The following NRCAM variants were observed in gnomAD, a reference collection of about 807,000 sequenced individuals.
The protein encoded by NRCAM is neuronal cell adhesion molecule, also known as NgCAM-related cell adhesion molecule.
A neutral mutation model predicts 156.5 loss-of-function variants in NRCAM; 83 were observed. The observed-to-expected ratio is 0.53, with a 90% CI of 0.44 to 0.64. The LOEUF is 0.64. NRCAM is among the 30% of genes least tolerant of loss of function. NRCAM has a pLI of 0.00. For synonymous variants in NRCAM, 538 were observed against 563.9 expected (o/e 0.95, Z 0.65); for missense variants, 1,417 against 1,597.3 (o/e 0.89, Z 1.92).
chr7:108,368,680 C>T (rs1436611666), intron 2 of NRCAM, among the ~76,000 whole-genome samples: 1 of 152,076 alleles, frequency 6.6e-6, no homozygotes, highest in East Asian at 1.9e-4. Flanking sequence ...GTGCCAAGGG[C>T]CAGCTGATCT....
At chr7:108,451,624 CA>C (rs1332877844) in intron 1 of NRCAM, among the ~76,000 whole-genome samples, 1 of 152,082 alleles carries the variant, frequency 6.6e-6, no homozygotes, top group African/African-American at 2.4e-5. Context: ...TTCAGCATTA[CA>C]AAGGAAGGAA....
chr7:108,224,003 T>G (rs112943442), intron 10 of NRCAM, among the ~76,000 whole-genome samples, 167 bp from the exon 11 acceptor site: 2 of 152,184 alleles, frequency 1.3e-5, no homozygotes, highest in Admixed American at 1.3e-4. Flanking sequence ...GCGTTATAAG[T>G]AGTCATCACT....
At chr7:108,335,459 T>TTTTC (rs1554522592) in intron 2 of NRCAM, among the ~76,000 whole-genome samples, 4 of 119,548 alleles carry the variant, frequency 3.3e-5, no homozygotes, top group East Asian at 2.5e-4. Flanking sequence ...TTTTTTTTTT[T>TTTTC]CAGTTTTCAC....
intron 1 of NRCAM, among the ~76,000 whole-genome samples, chr7:108,444,287 C>T (rs1308319441): frequency 1.3e-5 from 2 of 151,916 alleles, no homozygotes; most frequent in Non-Finnish European, 2.9e-5. Flanking sequence ...AGGGGGTGGT[C>T]TGAGAACCAA....
At chr7:108,360,956 G>A (rs1445829984) in intron 2 of NRCAM, among the ~76,000 whole-genome samples, 1 of 152,048 alleles carries the variant, frequency 6.6e-6, no homozygotes, top group African/African-American at 2.4e-5. Context: ...AGTGACAAAA[G>A]AAAATAACAC....
chr7:108,414,176 G>C (rs904018900), intron 1 of NRCAM, among the ~76,000 whole-genome samples: 1 of 152,166 alleles, frequency 6.6e-6, no homozygotes, highest in Non-Finnish European at 1.5e-5. Flanking sequence ...GAGACAAGAA[G>C]GAGCTAAAAG....
rs891147975 is a variant in NRCAM at position 108,148,447 on chromosome 7, T to G, written c.*1463A>C. On this transcript the variant is annotated 3_prime_UTR_variant, in exon 33 of 33. Transcript: ENST00000379028. The stretch of plus-strand genomic sequence containing the variant: ...ATGCAAGTTATGAGAAACCAATTTA[T>G]TGGCAAATGAAACTGAGCATTCCTT... 1.3e-5 allele frequency: 2 copies of G among 152,670 alleles called. No individual in the cohort carries two copies. Among genetic ancestry groups the G allele is most frequent in the Non-Finnish European group, 2.9e-5 (2 of 68,036 alleles). The allele number at this position is 152,670 out of a possible 1,614,324, so 9.5% of individuals were successfully genotyped here.
intron 13 of NRCAM, among the ~76,000 whole-genome samples, chr7:108,198,384 C>T (rs1243098163): frequency 6.6e-6 from 1 of 151,816 alleles, no homozygotes; most frequent in African/African-American, 2.4e-5. Context: ...CATTCACTTG[C>T]CCCTTGTATC....
At chr7:108,237,465 A>G (rs2095169046) in intron 5 of NRCAM, among the ~76,000 whole-genome samples, 1 of 152,178 alleles carries the variant, frequency 6.6e-6, no homozygotes, top group Non-Finnish European at 1.5e-5. Context: ...AAATTTTGAG[A>G]ATTTTCTCAT....
chr7:108,430,972 T>C (rs192535132), intron 1 of NRCAM, among the ~76,000 whole-genome samples: 288 of 152,322 alleles, frequency 1.9e-3, no homozygotes, highest in African/African-American at 6.5e-3. Flanking sequence ...TCCAGGTGCA[T>C]GGATCATTGA....
intron 3 of NRCAM, among the ~76,000 whole-genome samples, chr7:108,289,528 G>A (rs575619455): frequency 6.6e-6 from 1 of 152,176 alleles, no homozygotes; most frequent in South Asian, 2.1e-4. Flanking sequence ...ACTAACATCT[G>A]TTTATAAGCT....
intron 1 of NRCAM, among the ~76,000 whole-genome samples, chr7:108,426,440 G>T (rs1817394668): frequency 6.6e-6 from 1 of 152,186 alleles, no homozygotes; most frequent in Non-Finnish European, 1.5e-5. Flanking sequence ...GCATTCAAAT[G>T]CCTAATGCCC....
At chr7:108,307,435 C>T (rs2098733364) in intron 3 of NRCAM, among the ~76,000 whole-genome samples, 1 of 152,224 alleles carries the variant, frequency 6.6e-6, no homozygotes, top group Non-Finnish European at 1.5e-5. Flanking sequence ...TGGCTCCATG[C>T]ACCATATCCT....
intron 20 of NRCAM, among the ~76,000 whole-genome samples, chr7:108,187,343 C>T (rs1336590063): frequency 6.6e-6 from 1 of 152,180 alleles, no homozygotes; most frequent in Non-Finnish European, 1.5e-5. Context: ...ACTGCAGCCA[C>T]ACTGGCATCC....
intron 1 of NRCAM, among the ~76,000 whole-genome samples, chr7:108,433,104 GCT>G (rs1319509895): frequency 6.6e-6 from 1 of 152,142 alleles, no homozygotes; most frequent in Non-Finnish European, 1.5e-5. Flanking sequence ...GCAAATGGAG[GCT>G]CTCTTTGTTC....
intron 11 of NRCAM, among the ~76,000 whole-genome samples, chr7:108,222,974 A>G (rs942541484): frequency 6.6e-6 from 1 of 152,188 alleles, no homozygotes; most frequent in African/African-American, 2.4e-5. Flanking sequence ...GGTAGCTTCA[A>G]TTTTGAAGTG....
chr7:108,276,609 T>C (rs1219659882), intron 3 of NRCAM, among the ~76,000 whole-genome samples: 1 of 152,178 alleles, frequency 6.6e-6, no homozygotes, highest in Non-Finnish European at 1.5e-5. Flanking sequence ...TCCATCCCTT[T>C]ATTTTGAGCC....
At chr7:108,221,088 A>T (rs1028157299) in intron 11 of NRCAM, among the ~76,000 whole-genome samples, 3 of 152,346 alleles carry the variant, frequency 2.0e-5, no homozygotes, top group Admixed American at 1.3e-4. Flanking sequence ...GCCAACAAAC[A>T]TGAAAAAATG....
chr7:108,255,436 G>A (rs1277446702), intron 3 of NRCAM, among the ~76,000 whole-genome samples: 12 of 152,174 alleles, frequency 7.9e-5, no homozygotes, highest in East Asian at 5.8e-4. Context: ...CCGAGGTGCC[G>A]GGATTGCAGA....
Sources: allele counts gnomAD v4.1 joint callset (sites outside exome capture counted in the v4.1 genomes callset), GRCh38; gene constraint gnomAD v4.1.1; transcripts MANE v1.5; gene names NCBI Gene and HGNC (gene_info 2026-07-23, HGNC 2026-07-21).